Variants in XRN2 observed in about 807,000 individuals in gnomAD.
The protein encoded by XRN2 is DHM1-like protein.
A neutral mutation model predicts 138.5 loss-of-function variants in XRN2; 44 were observed. The ratio of observed to expected loss-of-function variants is 0.32; its 90% CI spans 0.25 to 0.41. The LOEUF is 0.41. Among genes scored for constraint, XRN2 ranks in the 10% least tolerant of loss-of-function variants. XRN2 has a pLI of 1.00. For missense variants in XRN2, 937 were observed against 1,169.3 expected, an observed-to-expected ratio of 0.80 and a Z score of 2.90; for synonymous variants, 354 against 369.4, an observed-to-expected ratio of 0.96 and a Z score of 0.48.
intron 21 of XRN2, 30 bp from the exon 22 acceptor site, chr20:21,356,050 T>C: frequency 6.3e-7 from 1 of 1,577,710 alleles, no homozygotes; most frequent in South Asian, 1.1e-5. Context: ...TTTTTTTATG[T>C]GTAGGTCTTA....
intron 1 of XRN2, 113 bp downstream of exon 1, chr20:21,303,586 C>G: frequency 1.4e-6 from 2 of 1,391,110 alleles, no homozygotes; most frequent in Non-Finnish European, 1.9e-6. Flanking sequence ...AGCTCGCGCC[C>G]TGCTGCCAGC....
chr20:21,333,915 A>G (rs755093521), intron 11 of XRN2, 22 bp from the exon 12 acceptor site: 1 of 1,614,106 alleles, frequency 6.2e-7, no homozygotes, highest in Non-Finnish European at 8.5e-7. Flanking sequence ...CCTAATGCAT[A>G]ATGTTTGTCT....
intron 29 of XRN2, among the ~76,000 whole-genome samples, chr20:21,387,814 T>C (rs1457829571): frequency 6.6e-6 from 1 of 152,220 alleles, no homozygotes; most frequent in Non-Finnish European, 1.5e-5. Flanking sequence ...TCCAGGCCTT[T>C]TGCAGTGCTT....
At chr20:21,332,997 T>C (rs2122216587) in intron 9 of XRN2, among the ~76,000 whole-genome samples, 1 of 152,306 alleles carries the variant, frequency 6.6e-6, no homozygotes, top group Admixed American at 6.5e-5. Flanking sequence ...ATATGGTGCC[T>C]CTTGAGTCAT....
intron 15 of XRN2, among the ~76,000 whole-genome samples, chr20:21,341,517 C>T (rs142664798): frequency 2.0e-5 from 3 of 152,296 alleles, no homozygotes; most frequent in East Asian, 3.9e-4. Flanking sequence ...GCAAATCAAC[C>T]TATCCTGCAA....
intron 20 of XRN2, among the ~76,000 whole-genome samples, chr20:21,352,627 G>A (rs990003643): frequency 1.3e-5 from 2 of 152,060 alleles, no homozygotes; most frequent in Admixed American, 6.5e-5. Flanking sequence ...CACCGCACCC[G>A]GCCCAACACA....
chr20:21,385,788 C>A (rs1229711085), intron 28 of XRN2, among the ~76,000 whole-genome samples: 2 of 152,176 alleles, frequency 1.3e-5, no homozygotes, highest in African/African-American at 4.8e-5. Context: ...GCTTTTTTCC[C>A]CTAAGACCTC....
In XRN2 at chr20:21,358,182, G is replaced by A. The variant is rs139439969; in HGVS notation, c.2255+390G>A. 3.2e-4 allele frequency among the ~76,000 whole-genome samples: 49 copies of A among 152,210 alleles called. 1 individual carries two copies. The East Asian group carries it at 9.3e-3, about 29-fold the overall frequency. ...TATTTTACTTATGTTTATAATCATG[G>A]CCCTGCAGAGTTTGAACACAAAAAT... On this transcript the variant is annotated intron_variant, in intron 24 of 29. Coordinates refer to ENST00000377191, the MANE Select transcript of XRN2 (RefSeq NM_012255.5).
At chr20:21,337,879 T>G (rs1334489359) in intron 13 of XRN2, among the ~76,000 whole-genome samples, 1 of 152,102 alleles carries the variant, frequency 6.6e-6, no homozygotes, top group Non-Finnish European at 1.5e-5. Context: ...AGAATCCTGG[T>G]CAGATAAGGA....
chr20:21,338,405 C>T (rs1054765362), intron 13 of XRN2, among the ~76,000 whole-genome samples: 10 of 152,174 alleles, frequency 6.6e-5, no homozygotes, highest in Admixed American at 3.3e-4. Context: ...TGGACCCTCT[C>T]CTGTGAATTA....
chr20:21,384,499 TTTA>T (rs1168403956), intron 28 of XRN2, among the ~76,000 whole-genome samples: 5 of 152,126 alleles, frequency 3.3e-5, no homozygotes, highest in Non-Finnish European at 5.9e-5. Flanking sequence ...CTTTTATTGA[TTTA>T]TTGATTGAGA....
chr20:21,379,991 T>G (rs912122319), intron 27 of XRN2, among the ~76,000 whole-genome samples: 7 of 152,338 alleles, frequency 4.6e-5, no homozygotes, highest in Admixed American at 3.9e-4. Flanking sequence ...CATTCGATTT[T>G]AAATTTATTA....
At chr20:21,311,583 G>A (rs909572900) in intron 1 of XRN2, among the ~76,000 whole-genome samples, 3 of 152,194 alleles carry the variant, frequency 2.0e-5, no homozygotes, top group Non-Finnish European at 1.5e-5. Context: ...GTATGTACCT[G>A]TGAGTGGAAT....
chr20:21,333,589 A>G lies in XRN2; in HGVS notation c.904A>G (p.Ile302Val), dbSNP rs1380480175. Residue 302 changes from isoleucine (I) to valine (V), a missense_variant, in exon 10 of 30, where the codon ATC becomes GTC. By Grantham distance (29) the Ile-to-Val change is conservative. This residue lies in a region of XRN2 where 471 missense variants were observed against 581.2 expected (regional missense o/e 0.81). Coordinates refer to ENST00000377191, the MANE Select transcript of XRN2 (RefSeq NM_012255.5). Reference sequence around the variant, plus strand: ...TCTTCCTTGTGCAGAAGGAGAGTTTATCTTCCTTCGGCTTAATGTTCTTCG... The same window carrying G: ...TCTTCCTTGTGCAGAAGGAGAGTTTGTCTTCCTTCGGCTTAATGTTCTTCG... ...DSLPCAEGEFIFLRLNVLREY... is the reference protein window; with the variant it reads ...DSLPCAEGEFVFLRLNVLREY... The G allele has an allele frequency of 3.1e-6, 5 of 1,613,806 alleles. No individual in the cohort carries two copies. In the East Asian group the frequency reaches 6.7e-5, roughly 22 times the overall value.
intron 3 of XRN2, among the ~76,000 whole-genome samples, chr20:21,327,625 G>T (rs1464455173): frequency 1.3e-5 from 2 of 152,082 alleles, no homozygotes. Flanking sequence ...GAAATCTTTA[G>T]CTTTACTCCA....
chr20:21,332,439 A>G lies in XRN2; in HGVS notation c.857A>G (p.Lys286Arg). 1.2e-6 allele frequency: 2 copies of G among 1,600,412 alleles called. No homozygotes were observed. Among genetic ancestry groups the G allele is most frequent in the Non-Finnish European group, 1.7e-6 (2 of 1,174,550 alleles). Residue 286 changes from lysine (K) to arginine (R), a missense_variant and splice_region_variant, in exon 9 of 30, where the codon AAG becomes AGG. Around this residue, in one of 6 missense-constraint regions of XRN2, gnomAD observed 471 missense variants for 581.2 expected, o/e 0.81. Coordinates refer to ENST00000377191, the MANE Select transcript of XRN2 (RefSeq NM_012255.5). Reference sequence around the variant, plus strand: ...GGTTTGCCAAGAGAAAAGAAGGGAAAGGTAAGAACTTTGAGATGGTAGTTG... The same window carrying G: ...GGTTTGCCAAGAGAAAAGAAGGGAAGGGTAAGAACTTTGAGATGGTAGTTG... ...CEGLPREKKG[K>R]HDELADSLPC...
At position 21,348,405 on chromosome 20, in the gene XRN2, C is replaced by T; in HGVS notation, c.1838C>T (p.Ser613Leu). 2 of 1,614,104 alleles carry T rather than the reference C, an allele frequency of 1.2e-6. No homozygotes were observed. Among genetic ancestry groups the T allele is most frequent in the Non-Finnish European group, 1.7e-6 (2 of 1,179,984 alleles). Residue 613 changes from serine to leucine, a missense_variant, in exon 19 of 30, where the codon TCA becomes TTA. By Grantham distance (145) the Ser-to-Leu change is moderately radical. This residue lies in a region of XRN2 where 372 missense variants were observed against 414.4 expected (regional missense o/e 0.90). Transcript: ENST00000377191. ...PAASGNFLPPSWRKLMSDPDS... is the reference protein window; with the variant it reads ...PAASGNFLPPLWRKLMSDPDS... ...GCAAGTGGTAATTTTCTACCTCCAT[C>T]ATGGCGGAAGCTCATGAGTGATCCT...
chr20:21,313,801 G>A (rs1043660510), intron 1 of XRN2, among the ~76,000 whole-genome samples: 7 of 152,108 alleles, frequency 4.6e-5, no homozygotes, highest in African/African-American at 1.7e-4. Context: ...TTTGTGATAG[G>A]CATCACTCTG....
chr20:21,326,726 A>C (rs2038134156), intron 3 of XRN2, 125 bp downstream of exon 3: 1 of 738,654 alleles, frequency 1.4e-6, no homozygotes, highest in East Asian at 2.7e-5. Flanking sequence ...AGAAAGCCTC[A>C]TCCTTCAGTC....
Sources: allele counts gnomAD v4.1 joint callset (sites outside exome capture counted in the v4.1 genomes callset), GRCh38; gene constraint gnomAD v4.1.1; regional missense constraint gnomAD v4.1.1; transcripts MANE v1.5; gene names NCBI Gene and HGNC (gene_info 2026-07-23, HGNC 2026-07-21).